Variants in PELI2 observed in about 807,000 individuals in gnomAD.
PELI2 encodes the protein pellino E3 ubiquitin protein ligase family member 2.
In PELI2, 23 loss-of-function variants were observed where a neutral mutation model predicts 42.3. The ratio of observed to expected loss-of-function variants is 0.54; its 90% CI spans 0.39 to 0.77. The LOEUF (loss-of-function observed/expected upper bound fraction) is 0.77, where lower values mean the gene tolerates loss of function less well. Ranked by LOEUF, PELI2 falls within the 30% of genes least tolerant of loss-of-function variation. The pLI is 0.00. For synonymous variants in PELI2, 245 were observed against 212.2 expected, an observed-to-expected ratio of 1.15 and a Z score of -1.34; for missense variants, 463 against 553.2, an observed-to-expected ratio of 0.84 and a Z score of 1.64.
chr14:56,279,861 CAGT>C, intron 3 of PELI2, 84 bp downstream of exon 3: 2 of 632,536 alleles, frequency 3.2e-6, no homozygotes, highest in Non-Finnish European at 5.6e-6. Context: ...TCTTCCAGCC[CAGT>C]ATGTCCAGGG....
At chr14:56,158,476 G>C (rs1884645667) in intron 1 of PELI2, among the ~76,000 whole-genome samples, 1 of 151,974 alleles carries the variant, frequency 6.6e-6, no homozygotes, top group Admixed American at 6.5e-5. Flanking sequence ...CGAGTAACTG[G>C]GACTACAAGT....
rs139874350 is a variant in PELI2, at chr14:56,139,350, T to G, written c.77+20613T>G. ...TGGTAGTTCTGTGATTTAATTGTCT[T>G]AGACTAGTTATGAAACTATGAAAAT... On this transcript the variant is annotated intron_variant, in intron 1 of 5. Coordinates refer to ENST00000267460, the MANE Select transcript of PELI2 (RefSeq NM_021255.3). 1.7e-3 allele frequency among the ~76,000 whole-genome samples: 257 copies of G among 152,288 alleles called. 2 individuals are homozygous for G. The highest frequency in any genetic ancestry group is 5.4e-3 in the African/African-American group (224 of 41,558).
chr14:56,140,103 C>T (rs746444307), intron 1 of PELI2, among the ~76,000 whole-genome samples: 6 of 151,846 alleles, frequency 4.0e-5, no homozygotes, highest in Non-Finnish European at 7.4e-5. Context: ...TTGATTATAG[C>T]TAAATCACCC....
Position 56,297,428 on chromosome 14 carries a change from A to G in PELI2, c.*262A>G, listed in dbSNP as rs192206242. 2.0e-5 allele frequency: 7 copies of G among 352,382 alleles called. No homozygotes were observed. Among genetic ancestry groups the G allele is most frequent in the East Asian group, 9.1e-5 (2 of 21,976 alleles). 21.8% of individuals were successfully genotyped at this position (352,382 alleles called of 1,614,324 possible). On this transcript the variant is annotated 3_prime_UTR_variant, in exon 6 of 6. Coordinates refer to ENST00000267460, the MANE Select transcript of PELI2 (RefSeq NM_021255.3). The stretch of plus-strand genomic sequence containing the variant: ...TTGTAATAATTGGATTTAAAATGCT[A>G]TGCTTCTATTTTTAACCTTGGGTTT...
At chr14:56,256,967 T>G (rs1027284904) in intron 2 of PELI2, among the ~76,000 whole-genome samples, 1 of 152,222 alleles carries the variant, frequency 6.6e-6, no homozygotes, top group Non-Finnish European at 1.5e-5. Context: ...ATTATTTGCT[T>G]TGATAAACAT....
chr14:56,148,021 A>G (rs1884195723), intron 1 of PELI2, among the ~76,000 whole-genome samples: 1 of 152,226 alleles, frequency 6.6e-6, no homozygotes, highest in Admixed American at 6.5e-5. Flanking sequence ...TTGGGTCATA[A>G]TGTAAAGTTC....
intron 5 of PELI2, among the ~76,000 whole-genome samples, chr14:56,295,605 C>T (rs1027444823): frequency 3.9e-5 from 6 of 152,226 alleles, no homozygotes; most frequent in South Asian, 4.1e-4. Flanking sequence ...GTGTTGACTG[C>T]GTACCAGACA....
chr14:56,282,915 T>A (rs1404957133), intron 3 of PELI2, among the ~76,000 whole-genome samples: 1 of 152,206 alleles, frequency 6.6e-6, no homozygotes, highest in Non-Finnish European at 1.5e-5. Context: ...AGATTTTTTT[T>A]ACAGAGAGAA....
chr14:56,236,751 GA>G (rs1178934983), intron 2 of PELI2, among the ~76,000 whole-genome samples: 4 of 152,140 alleles, frequency 2.6e-5, no homozygotes, highest in African/African-American at 9.7e-5. Flanking sequence ...GGGAGCACTG[GA>G]AAGTCAACTT....
intron 2 of PELI2, among the ~76,000 whole-genome samples, chr14:56,276,960 G>A (rs970428856): frequency 6.6e-6 from 1 of 152,146 alleles, no homozygotes; most frequent in African/African-American, 2.4e-5. Context: ...CAGTTTCCAG[G>A]TAATGTGATG....
At chr14:56,177,442 G>T (rs1885421712) in intron 1 of PELI2, among the ~76,000 whole-genome samples, 1 of 152,160 alleles carries the variant, frequency 6.6e-6, no homozygotes, top group Non-Finnish European at 1.5e-5. Context: ...CCTTGTTTTA[G>T]TTTTTTATTT....
chr14:56,159,854 T>C (rs1388985663), intron 1 of PELI2, among the ~76,000 whole-genome samples: 1 of 152,142 alleles, frequency 6.6e-6, no homozygotes, highest in Admixed American at 6.5e-5. Flanking sequence ...CTGTTGACCC[T>C]CCAGCAATGC....
chr14:56,258,328 C>G (rs573558336), intron 2 of PELI2, among the ~76,000 whole-genome samples: 19 of 151,568 alleles, frequency 1.3e-4, no homozygotes, highest in African/African-American at 4.6e-4. Flanking sequence ...TGGCCAGCAT[C>G]CAATCAAAAA....
Position 56,144,498 on chromosome 14 carries a change from A to G in PELI2, c.77+25761A>G, listed in dbSNP as rs185913845. ...ATCTAGGAGAATCTCCTTTATGTAA[A>G]TATAACTGATTATGGACTTTAATAA... is the stretch of plus-strand genomic sequence containing the variant. On this transcript the variant is annotated intron_variant, in intron 1 of 5. Coordinates refer to ENST00000267460, the MANE Select transcript of PELI2 (RefSeq NM_021255.3). Among the ~76,000 whole-genome samples, 3 of 152,332 alleles carry G rather than the reference A, an allele frequency of 2.0e-5. No individual in the cohort carries two copies. The East Asian group carries it at 5.8e-4, about 29-fold the overall frequency.
At chr14:56,265,002 T>A (rs900655426) in intron 2 of PELI2, among the ~76,000 whole-genome samples, 2 of 152,162 alleles carry the variant, frequency 1.3e-5, no homozygotes, top group African/African-American at 4.8e-5. Context: ...ATTGAGGACC[T>A]AAATATGTGG....
At chr14:56,253,116 G>A (rs180735275) in intron 2 of PELI2, among the ~76,000 whole-genome samples, 18 of 152,218 alleles carry the variant, frequency 1.2e-4, no homozygotes, top group East Asian at 9.7e-4. Flanking sequence ...GATTGTCTCC[G>A]TAGATGCAGA....
intron 2 of PELI2, among the ~76,000 whole-genome samples, chr14:56,232,303 C>CA (rs897637081): frequency 5.3e-5 from 8 of 151,938 alleles, no homozygotes; most frequent in East Asian, 3.9e-4. Flanking sequence ...AGAGACACAA[C>CA]AAAAAAAGAG....
chr14:56,291,807 A>G (rs1327045757), intron 5 of PELI2, among the ~76,000 whole-genome samples: 2 of 152,196 alleles, frequency 1.3e-5, no homozygotes, highest in African/African-American at 2.4e-5. Flanking sequence ...CATTTCATGG[A>G]TGAGGAAGAT....
At position 56,290,288 on chromosome 14, in the gene PELI2, A is replaced by T; in HGVS notation, c.528A>T (p.Lys176Asn). 1 of 1,595,366 alleles carries T rather than the reference A, an allele frequency of 6.3e-7. No homozygotes were observed. The highest frequency in any genetic ancestry group is 2.2e-5 in the East Asian group (1 of 44,508). The change falls in exon 5 of 6, where the codon AAA becomes AAT. Residue 176 changes from lysine (K) to asparagine (N), a missense_variant. Around this residue, in one of 3 missense-constraint regions of PELI2, gnomAD observed 343 missense variants for 378.4 expected, o/e 0.91. Transcript: ENST00000267460. Reference protein sequence around the residue: ...IFLGEKAAKWKNPDGHMDGLT... With the variant: ...IFLGEKAAKWNNPDGHMDGLT... Reference sequence around the variant, plus strand: ...TCCAGGAAAAGGCAGCAAAGTGGAAAAACCCCGACGGCCACATGGATGGGC... The same window carrying T: ...TCCAGGAAAAGGCAGCAAAGTGGAATAACCCCGACGGCCACATGGATGGGC...
Sources: allele counts gnomAD v4.1 joint callset (sites outside exome capture counted in the v4.1 genomes callset), GRCh38; gene constraint gnomAD v4.1.1; regional missense constraint gnomAD v4.1.1; transcripts MANE v1.5; gene names NCBI Gene and HGNC (gene_info 2026-07-23, HGNC 2026-07-21).